SVEP1: variants seen among roughly 807,000 people sequenced by gnomAD.
SVEP1 encodes the protein sushi, von Willebrand factor type A, EGF and pentraxin domain containing 1, also known as sushi, von Willebrand factor type A, EGF and pentraxin domain-containing protein 1.
In SVEP1, 164 loss-of-function variants were observed where a neutral mutation model predicts 367.3. The observed-to-expected ratio is 0.45, with a 90% CI of 0.39 to 0.51. The LOEUF (loss-of-function observed/expected upper bound fraction) is 0.51. Among genes scored for constraint, SVEP1 ranks in the 20% least tolerant of loss-of-function variants. The pLI, the probability that SVEP1 is intolerant of heterozygous loss-of-function variation, is 0.00. For missense variants in SVEP1, 4,117 were observed against 4,425.3 expected (o/e 0.93, Z 1.98); for synonymous variants, 1,666 against 1,611.6 (o/e 1.03, Z -0.81).
chr9:110,390,592 ACT>A (rs527369472), intron 40 of SVEP1, among the ~76,000 whole-genome samples: 226 of 151,576 alleles, frequency 1.5e-3, no homozygotes, highest in African/African-American at 5.3e-3. Context: ...AGCAATATAT[ACT>A]CTTTTCTTTT....
At chr9:110,566,278 T>C (rs1830492050) in intron 1 of SVEP1, among the ~76,000 whole-genome samples, 1 of 150,830 alleles carries the variant, frequency 6.6e-6, no homozygotes, top group Non-Finnish European at 1.5e-5. Flanking sequence ...GTCGTGATAG[T>C]GCCACTGCAT....
At chr9:110,393,119 G>C (rs1827692818) in intron 40 of SVEP1, among the ~76,000 whole-genome samples, 1 of 151,996 alleles carries the variant, frequency 6.6e-6, no homozygotes, top group Admixed American at 6.6e-5. Context: ...TAAATTATCT[G>C]CTTCAAATTT....
chr9:110,507,124 T>C (rs1210091572), intron 5 of SVEP1, among the ~76,000 whole-genome samples: 6 of 152,150 alleles, frequency 3.9e-5, no homozygotes, highest in South Asian at 2.1e-4. Context: ...CCTACAAGCA[T>C]TGGACATCGT....
rs556496595 is a variant in SVEP1, at chr9:110,510,719, C to G, written c.1303+2207G>C. ...AGTCTTCTCTGATTTTCTCACTCCTCTTTGGAAGGCTACTGAGTGGCAAGT... is the reference window on the plus strand; with the variant it reads ...AGTCTTCTCTGATTTTCTCACTCCTGTTTGGAAGGCTACTGAGTGGCAAGT... On this transcript the variant is annotated intron_variant, in intron 5 of 47. Transcript: ENST00000374469. Among the ~76,000 whole-genome samples, 8 of 152,332 alleles carry G rather than the reference C, an allele frequency of 5.3e-5. No individual in the cohort carries two copies. In the East Asian group the frequency reaches 1.5e-3, roughly 29 times the overall value.
chr9:110,511,315 C>G (rs971101495), intron 5 of SVEP1, among the ~76,000 whole-genome samples: 1 of 152,082 alleles, frequency 6.6e-6, no homozygotes, highest in Non-Finnish European at 1.5e-5. Flanking sequence ...TCTGTTCTCT[C>G]TCTGGATTCC....
At chr9:110,384,311 G>A (rs919862620) in intron 43 of SVEP1, among the ~76,000 whole-genome samples, 3 of 133,578 alleles carry the variant, frequency 2.2e-5, no homozygotes, top group East Asian at 4.1e-4. Context: ...CAGGTGGGCC[G>A]TTGTACCACC....
chr9:110,379,592 GAATT>G, intron 43 of SVEP1, 75 bp from the exon 44 acceptor site: 1 of 1,435,632 alleles, frequency 7.0e-7, no homozygotes, highest in Non-Finnish European at 9.5e-7. Flanking sequence ...CTCTCAGAAT[GAATT>G]AAAGAGCAAA....
intron 45 of SVEP1, 53 bp downstream of exon 45, chr9:110,377,218 G>A (rs1316918536): frequency 1.3e-6 from 2 of 1,549,416 alleles, no homozygotes; most frequent in African/African-American, 1.4e-5. Context: ...CCTCAGGTGG[G>A]AGCATCCAGG....
rs768103159 is a variant in SVEP1, at chr9:110,408,249, T to G, written c.7351A>C (p.Ile2451Leu). ...PQPEEIPNGI[I>L]DVQGLAYLST... ...AGATAGGCAAGGCCTTGCACATCAA[T>G]GATTCCATTGGGGATTTCCTCAGGT... is the stretch of plus-strand genomic sequence containing the variant. Residue 2451 changes from isoleucine to leucine, a missense_variant, in exon 38 of 48, where the codon ATT (isoleucine) becomes CTT (leucine). Around this residue, in one of 4 missense-constraint regions of SVEP1, gnomAD observed 1,765 missense variants for 1,781.1 expected, o/e 0.99. Transcript: ENST00000374469. 20 of 1,613,880 alleles carry G rather than the reference T, an allele frequency of 1.2e-5. No homozygotes were observed. Among genetic ancestry groups the G allele is most frequent in the Non-Finnish European group, 1.7e-5 (20 of 1,179,898 alleles).
At chr9:110,418,934 CA>C (rs1419805822) in intron 36 of SVEP1, among the ~76,000 whole-genome samples, 1 of 86,118 alleles carries the variant, frequency 1.2e-5, no homozygotes, top group East Asian at 2.5e-4. Context: ...TTGTCACCAC[CA>C]GGCCTGCCCT....
intron 22 of SVEP1, among the ~76,000 whole-genome samples, chr9:110,452,303 A>G (rs1369728420): frequency 6.6e-6 from 1 of 152,216 alleles, no homozygotes. Flanking sequence ...TAGTAAATGT[A>G]TATTTATTTT....
At chr9:110,394,785 G>T (rs1346081201) in intron 40 of SVEP1, among the ~76,000 whole-genome samples, 1 of 152,154 alleles carries the variant, frequency 6.6e-6, no homozygotes, top group East Asian at 1.9e-4. Context: ...AATGAAGCAA[G>T]AAGAGAAGTT....
rs1828401961 is a variant in SVEP1 at position 110,434,499 on chromosome 9, T to C, written c.4896A>G (p.Pro1632=). The C allele has an allele frequency of 3.1e-6, 5 of 1,612,410 alleles. No homozygotes were observed. In the Admixed American group the frequency reaches 5.0e-5, roughly 16 times the overall value. The stretch of plus-strand genomic sequence containing the variant: ...GATGAGGCACTGACCCTCCTAAGCG[T>C]GGGCAATCTGAGGGCAAAGAACACA... ...DSKSIFCSDC[P]RLGGSVPHLR... Residue 1632 remains proline (P), a synonymous_variant, in exon 30 of 48, where the codon CCA becomes CCG. Coordinates refer to ENST00000374469, the MANE Select transcript of SVEP1 (RefSeq NM_153366.4).
intron 6 of SVEP1, among the ~76,000 whole-genome samples, chr9:110,500,782 T>A (rs1242207183): frequency 6.6e-6 from 1 of 152,144 alleles, no homozygotes. Flanking sequence ...AATCCTTGCA[T>A]ATTCTTAATC....
chr9:110,432,014 C>A lies in SVEP1; in HGVS notation c.5254G>T (p.Gly1752Ter). The A allele has an allele frequency of 1.2e-6, 2 of 1,607,824 alleles. No individual in the cohort carries two copies. Among genetic ancestry groups the A allele is most frequent in the Non-Finnish European group, 1.7e-6 (2 of 1,177,918 alleles). ...GAAGCATGCTCACTACAATCTGATC[C>A]AACTGCACACTCATCGACATCTAAA... ...SCLDVDECAV[G>*]SDCSEHASCL... Residue 1752 changes from glycine to a stop codon, truncating the protein, a stop_gained, in exon 32 of 48, where the codon GGA becomes TGA. Transcript: ENST00000374469. LOFTEE classifies it high-confidence loss of function.
intron 43 of SVEP1, among the ~76,000 whole-genome samples, chr9:110,384,878 C>A (rs1049352174): frequency 6.6e-6 from 1 of 152,210 alleles, no homozygotes; most frequent in Non-Finnish European, 1.5e-5. Context: ...TTGTGCCTTG[C>A]CTCTGGTCGG....
intron 18 of SVEP1, among the ~76,000 whole-genome samples, chr9:110,461,667 T>G (rs1449439116): frequency 6.6e-6 from 1 of 152,066 alleles, no homozygotes; most frequent in Non-Finnish European, 1.5e-5. Flanking sequence ...ATAGCCAAAT[T>G]TTTTGCTAAA....
At chr9:110,505,368 C>T (rs1829607984) in intron 5 of SVEP1, among the ~76,000 whole-genome samples, 1 of 152,178 alleles carries the variant, frequency 6.6e-6, no homozygotes, top group Admixed American at 6.5e-5. Context: ...ATAGTTATCC[C>T]TCATCCACCA....
chr9:110,536,665 T>C (rs958226046), intron 3 of SVEP1, among the ~76,000 whole-genome samples: 1 of 152,002 alleles, frequency 6.6e-6, no homozygotes, highest in Non-Finnish European at 1.5e-5. Context: ...CCTTCTTTAA[T>C]CAAGAAATAA....
Sources: gnomAD v4.1 joint callset for allele counts (sites outside exome capture counted in the v4.1 genomes callset) on GRCh38, gnomAD v4.1.1 for gene constraint, gnomAD v4.1.1 regional missense constraint, MANE v1.5 for transcripts, NCBI Gene and HGNC (gene_info 2026-07-23, HGNC 2026-07-21) for gene names.